The following CTNNA2 variants were observed in gnomAD, a reference collection of about 807,000 sequenced individuals.
CTNNA2 encodes catenin alpha 2, also known as catenin alpha-2.
CTNNA2 carries 42 observed loss-of-function variants against 101.0 expected under a neutral mutation model. That is an observed-to-expected ratio of 0.42 (90% CI 0.32 to 0.54). The LOEUF (loss-of-function observed/expected upper bound fraction) is 0.54. Among genes scored for constraint, CTNNA2 ranks in the 20% least tolerant of loss-of-function variants. The pLI is 0.14. For missense variants in CTNNA2, 871 were observed against 1,223.1 expected, an observed-to-expected ratio of 0.71 and a Z score of 4.29; for synonymous variants, 450 against 456.4, an observed-to-expected ratio of 0.99 and a Z score of 0.18.
chr2:79,273,675 T>TCAGAC (rs1675140035), intron 2 of CTNNA2, among the ~76,000 whole-genome samples: 1 of 152,138 alleles, frequency 6.6e-6, no homozygotes, highest in Non-Finnish European at 1.5e-5. Context: ...ATTCTGATGT[T>TCAGAC]AGTTCTGTTT....
At chr2:79,764,003 A>G (rs1400308386) in intron 3 of CTNNA2, among the ~76,000 whole-genome samples, 1 of 152,220 alleles carries the variant, frequency 6.6e-6, no homozygotes, top group South Asian at 2.1e-4. Context: ...CTGCATGAAG[A>G]ACGGGAAAAG....
intron 3 of CTNNA2, among the ~76,000 whole-genome samples, chr2:79,829,862 G>A (rs1678789654): frequency 6.6e-6 from 1 of 151,952 alleles, no homozygotes; most frequent in Non-Finnish European, 1.5e-5. Flanking sequence ...TGGGACTACA[G>A]GCGCCTGCCA....
intron 1 of CTNNA2, among the ~76,000 whole-genome samples, chr2:79,631,484 G>C (rs1679690547): frequency 6.6e-6 from 1 of 152,134 alleles, no homozygotes; most frequent in South Asian, 2.1e-4. Context: ...AATAGCCAGG[G>C]GGTTGTTACA....
At chr2:79,871,656 G>T (rs1682591394) in intron 5 of CTNNA2, among the ~76,000 whole-genome samples, 1 of 152,106 alleles carries the variant, frequency 6.6e-6, no homozygotes, top group Non-Finnish European at 1.5e-5. Flanking sequence ...TGGCTCACAT[G>T]CCAGTCACCT....
intron 9 of CTNNA2, among the ~76,000 whole-genome samples, chr2:80,445,109 A>T (rs1026268817): frequency 6.6e-6 from 1 of 151,952 alleles, no homozygotes; most frequent in Non-Finnish European, 1.5e-5. Context: ...CATGAACCTC[A>T]TTATCTGCAA....
chr2:80,302,609 C>T lies in CTNNA2; in HGVS notation c.1057-90602C>T, dbSNP rs1485166705. On this transcript the variant is annotated intron_variant, in intron 7 of 18. Coordinates refer to ENST00000402739, the MANE Select transcript of CTNNA2 (RefSeq NM_001282597.3). This position sits in a 1 kb window ranked among gnomAD's most constrained non-coding sequence, Gnocchi z 6.4. ...AGCCACGGTGGCAGGCTCGAATGTG[C>T]CGTCGTGCTGCCCCTCCCCGCCGTC... 4 of 1,605,682 alleles carry T rather than the reference C, an allele frequency of 2.5e-6. No individual in the cohort carries two copies. The highest frequency in any genetic ancestry group is 1.3e-5 in the African/African-American group (1 of 74,892).
intron 4 of CTNNA2, among the ~76,000 whole-genome samples, chr2:79,438,743 A>G (rs920370446): frequency 2.6e-5 from 4 of 152,344 alleles, no homozygotes; most frequent in African/African-American, 7.2e-5. Flanking sequence ...GTTAATGTGC[A>G]TGAGAATGAC....
intron 3 of CTNNA2, among the ~76,000 whole-genome samples, chr2:79,767,320 T>A (rs1287319308): frequency 6.6e-6 from 1 of 152,146 alleles, no homozygotes; most frequent in African/African-American, 2.4e-5. Context: ...AGGGGTCACA[T>A]GTCTCTGTTT....
intron 7 of CTNNA2, among the ~76,000 whole-genome samples, chr2:80,245,794 CTTTTTTTTTT>C (rs34625586): frequency 3.4e-5 from 2 of 58,912 alleles, no homozygotes; most frequent in South Asian, 8.9e-4. Context: ...TATGATTTAA[CTTTTTTTTTT>C]TTTTTTTTTT....
At chr2:79,261,146 A>C in intron 2 of CTNNA2, among the ~76,000 whole-genome samples, 1 of 152,156 alleles carries the variant, frequency 6.6e-6, no homozygotes, top group East Asian at 1.9e-4. Context: ...GCTACCAAAG[A>C]AGAAGCCTCT....
At chr2:79,684,134 C>T (rs1300622615) in intron 2 of CTNNA2, among the ~76,000 whole-genome samples, 1 of 152,130 alleles carries the variant, frequency 6.6e-6, no homozygotes, top group Admixed American at 6.6e-5. Context: ...ACTTATTGCA[C>T]CTGTGGCTGT....
At chr2:79,376,458 T>TTG (rs1225580313) in intron 4 of CTNNA2, among the ~76,000 whole-genome samples, 7 of 151,658 alleles carry the variant, frequency 4.6e-5, no homozygotes, top group South Asian at 2.1e-4. Context: ...TTGGTTTTGT[T>TTG]TTTGTTTTTG....
chr2:80,206,711 T>G (rs1362915011), intron 7 of CTNNA2, among the ~76,000 whole-genome samples: 2 of 152,188 alleles, frequency 1.3e-5, no homozygotes, highest in Non-Finnish European at 2.9e-5. Flanking sequence ...GAGGTGGTGT[T>G]TTGAATGCTC....
chr2:79,919,636 G>C (rs1347394037), intron 7 of CTNNA2, among the ~76,000 whole-genome samples: 2 of 152,154 alleles, frequency 1.3e-5, no homozygotes, highest in Admixed American at 6.5e-5. Context: ...TCACAAAATT[G>C]TCAGGGAGAG....
At chr2:79,939,731 A>G (rs1388644188) in intron 7 of CTNNA2, among the ~76,000 whole-genome samples, 2 of 152,234 alleles carry the variant, frequency 1.3e-5, no homozygotes, top group African/African-American at 2.4e-5. Flanking sequence ...ATTAGCAATA[A>G]TCAATTAGAA....
chr2:80,177,593 CA>C (rs1705475509), intron 7 of CTNNA2, among the ~76,000 whole-genome samples: 1 of 152,118 alleles, frequency 6.6e-6, no homozygotes. Flanking sequence ...TGGGCAATGA[CA>C]GGGGTGACTG....
chr2:79,680,216 T>C (rs903380616), intron 2 of CTNNA2, among the ~76,000 whole-genome samples: 1 of 152,066 alleles, frequency 6.6e-6, no homozygotes. Context: ...GATTTAGAGA[T>C]TTATCTTCCC....
At chr2:80,348,854 T>C (rs1463653003) in intron 7 of CTNNA2, among the ~76,000 whole-genome samples, 1 of 152,058 alleles carries the variant, frequency 6.6e-6, no homozygotes, top group Non-Finnish European at 1.5e-5. Context: ...TAGGGTAGCT[T>C]GAAAGAATTT....
At chr2:79,579,048 CT>C (rs1675977677) in intron 1 of CTNNA2, among the ~76,000 whole-genome samples, 1 of 151,668 alleles carries the variant, frequency 6.6e-6, no homozygotes, top group African/African-American at 2.4e-5. Flanking sequence ...TTCTTCCTTC[CT>C]TTTTTCTCTT....
Sources: gnomAD v4.1 joint callset for allele counts (sites outside exome capture counted in the v4.1 genomes callset) on GRCh38, gnomAD v4.1.1 for gene constraint, Gnocchi (gnomAD v3.1) non-coding constraint, MANE v1.5 for transcripts, NCBI Gene and HGNC (gene_info 2026-07-23, HGNC 2026-07-21) for gene names.